Variants in SYT17 observed in about 807,000 individuals in gnomAD.
SYT17 encodes synaptotagmin 17, also known as synaptotagmin-17.
Under a neutral mutation model 46.7 loss-of-function variants are expected in SYT17, and 22 were observed. The observed-to-expected ratio is 0.47, with a 90% CI of 0.34 to 0.67. SYT17 has a LOEUF of 0.67. Ranked by LOEUF, SYT17 falls within the 30% of genes least tolerant of loss-of-function variation. The pLI is 0.01. For missense variants in SYT17, 519 were observed against 612.8 expected, an observed-to-expected ratio of 0.85 and a Z score of 1.62; for synonymous variants, 251 against 248.4, an observed-to-expected ratio of 1.01 and a Z score of -0.10.
At position 19,267,302 on chromosome 16, in the gene SYT17, C is replaced by T. The variant is rs992359705; in HGVS notation, c.*226C>T. Reference sequence around the variant, plus strand: ...AGTTGAGTGAGGCCTAGGAACTTTCCGGAAGCCCCATCCATAGATCACAAG... The same window carrying T: ...AGTTGAGTGAGGCCTAGGAACTTTCTGGAAGCCCCATCCATAGATCACAAG... On this transcript the variant is annotated 3_prime_UTR_variant, in exon 8 of 8. Coordinates refer to ENST00000355377, the MANE Select transcript of SYT17 (RefSeq NM_016524.4). 54 of 451,680 alleles carry T rather than the reference C, an allele frequency of 1.2e-4. No homozygotes were observed. The Admixed American group carries it at 1.7e-3, about 14-fold the overall frequency. The allele number at this position is 451,680 out of a possible 1,614,324, so 28.0% of individuals were successfully genotyped here.
intron 3 of SYT17, among the ~76,000 whole-genome samples, chr16:19,179,450 TAG>T (rs1964457987): frequency 6.6e-6 from 1 of 151,922 alleles, no homozygotes; most frequent in African/African-American, 2.4e-5. Flanking sequence ...CAACTTTCAG[TAG>T]AGATGGGTCC....
At chr16:19,243,818 TCAAAAA>T (rs1371590259) in intron 7 of SYT17, among the ~76,000 whole-genome samples, 422 of 21,378 alleles carry the variant, frequency 0.02, 6 homozygotes, top group African/African-American at 0.04. Flanking sequence ...AAAAACTCCA[TCAAAAA>T]AAAAAAAAAA....
intron 7 of SYT17, chr16:19,250,129 T>G: frequency 6.9e-7 from 1 of 1,443,212 alleles, no homozygotes; most frequent in Non-Finnish European, 9.1e-7. Context: ...GTTTAACATT[T>G]TATTTAAAAA....
intron 7 of SYT17, among the ~76,000 whole-genome samples, chr16:19,247,234 A>G (rs1252439652): frequency 6.6e-6 from 1 of 152,162 alleles, no homozygotes; most frequent in African/African-American, 2.4e-5. Flanking sequence ...GTTGAAGAGT[A>G]ATCTATTTGG....
At chr16:19,190,515 C>T (rs1249474984) in intron 5 of SYT17, among the ~76,000 whole-genome samples, 1 of 152,162 alleles carries the variant, frequency 6.6e-6, no homozygotes, top group Non-Finnish European at 1.5e-5. Flanking sequence ...CATCCCTCTC[C>T]AGAACTCTTG....
At chr16:19,252,016 C>T (rs58895644) in intron 7 of SYT17, among the ~76,000 whole-genome samples, 3,031 of 151,948 alleles carry the variant, frequency 0.02, 86 homozygotes, top group African/African-American at 0.07. Flanking sequence ...TCGAGAGCAG[C>T]CTGCCTAACA....
At chr16:19,187,239 G>A (rs917266854) in intron 5 of SYT17, among the ~76,000 whole-genome samples, 12 of 152,094 alleles carry the variant, frequency 7.9e-5, no homozygotes, top group African/African-American at 2.2e-4. Flanking sequence ...TGGGGATTTC[G>A]CTATGTTGCC....
At chr16:19,233,417 C>T (rs1482091771) in intron 7 of SYT17, among the ~76,000 whole-genome samples, 2 of 151,218 alleles carry the variant, frequency 1.3e-5, no homozygotes, top group South Asian at 2.1e-4. Context: ...TTTGGGAGGC[C>T]GAGGCAGGAG....
At chr16:19,249,762 T>C (rs1967896985) in intron 7 of SYT17, among the ~76,000 whole-genome samples, 1 of 152,146 alleles carries the variant, frequency 6.6e-6, no homozygotes, top group African/African-American at 2.4e-5. Context: ...AGACAAAATA[T>C]GAAGGTTTCA....
chr16:19,191,088 A>G (rs951823789), intron 5 of SYT17, among the ~76,000 whole-genome samples: 4 of 152,060 alleles, frequency 2.6e-5, no homozygotes, highest in African/African-American at 9.7e-5. Flanking sequence ...CTTTCTGAGC[A>G]TTAGGAAGGA....
At chr16:19,222,907 C>G in intron 5 of SYT17, 138 bp from the exon 6 acceptor site, 1 of 1,123,324 alleles carries the variant, frequency 8.9e-7, no homozygotes. Flanking sequence ...GAAAAGAAGT[C>G]ACACACAGAG....
At chr16:19,264,593 C>A (rs2143003900) in intron 7 of SYT17, among the ~76,000 whole-genome samples, 2 of 105,722 alleles carry the variant, frequency 1.9e-5, no homozygotes, top group East Asian at 6.1e-4. Flanking sequence ...AGATTTCCCC[C>A]ACCTTTTTTT....
chr16:19,217,589 T>C (rs1186073985), intron 5 of SYT17, among the ~76,000 whole-genome samples: 1 of 152,234 alleles, frequency 6.6e-6, no homozygotes, highest in East Asian at 1.9e-4. Context: ...ATGTTTTGTT[T>C]ATCTATCTGT....
chr16:19,223,066 C>G lies in SYT17; in HGVS notation c.973C>G (p.Leu325Val), dbSNP rs1159371593. ...ACAGAATGAAGTGGAGCTGGGGGAG[C>G]TGCTTCTGTCACTGAATTATCTCCC... ...SSQNEVELGELLLSLNYLPSA... is the reference protein window; with the variant it reads ...SSQNEVELGEVLLSLNYLPSA... Residue 325 changes from leucine (L) to valine (V), a missense_variant, in exon 6 of 8, where the codon CTG becomes GTG. Physicochemically the swap from Leu to Val is conservative, Grantham distance 32 (BLOSUM62 1). Transcript: ENST00000355377. 6.2e-7 allele frequency: 1 copy of G among 1,614,058 alleles called. No individual in the cohort carries two copies. The highest frequency in any genetic ancestry group is 1.7e-5 in the Admixed American group (1 of 60,006).
chr16:19,172,265 C>A lies in SYT17; in HGVS notation c.16-495C>A. 4 of 1,100,298 alleles carry A rather than the reference C, an allele frequency of 3.6e-6. No individual in the cohort carries two copies. The South Asian group carries it at 1.4e-4, about 38-fold the overall frequency. 68.2% of individuals were successfully genotyped at this position (1,100,298 alleles called of 1,614,324 possible). A position where few individuals can be genotyped will look rare whatever the true frequency, so the allele number is the denominator to read the frequency against. ...ATTTGTGGGTGGTGATAGGAAACAC[C>A]CCACCATCACCATTGGAGCAGAATT... On this transcript the variant is annotated intron_variant, in intron 1 of 7. Transcript: ENST00000355377.
At chr16:19,229,883 G>A (rs765800442) in intron 7 of SYT17, among the ~76,000 whole-genome samples, 1 of 152,180 alleles carries the variant, frequency 6.6e-6, no homozygotes, top group Non-Finnish European at 1.5e-5. Context: ...GTCTTGAGTA[G>A]GAAGGAAATT....
chr16:19,202,776 G>C (rs1432078934), intron 5 of SYT17, among the ~76,000 whole-genome samples: 1 of 152,082 alleles, frequency 6.6e-6, no homozygotes, highest in Non-Finnish European at 1.5e-5. Context: ...ACCTAGGCTG[G>C]AGTGCAGTGG....
At chr16:19,228,724 T>A (rs1966581148) in intron 7 of SYT17, among the ~76,000 whole-genome samples, 1 of 152,240 alleles carries the variant, frequency 6.6e-6, no homozygotes, top group South Asian at 2.1e-4. Flanking sequence ...TAAGCCAGTA[T>A]GTATCTCAGC....
intron 7 of SYT17, among the ~76,000 whole-genome samples, chr16:19,244,730 T>G (rs927029811): frequency 1.3e-5 from 2 of 152,212 alleles, no homozygotes; most frequent in Admixed American, 1.3e-4. Context: ...GCCTTCCATC[T>G]CATGGCTCTG....
Sources: allele counts gnomAD v4.1 joint callset (sites outside exome capture counted in the v4.1 genomes callset), GRCh38; gene constraint gnomAD v4.1.1; transcripts MANE v1.5; gene names NCBI Gene and HGNC (gene_info 2026-07-23, HGNC 2026-07-21).